Variants in TBC1D8 observed in about 807,000 individuals in gnomAD.
The protein encoded by TBC1D8 is TBC1 domain family member 8.
TBC1D8 carries 65 observed loss-of-function variants against 118.8 expected under a neutral mutation model. The ratio of observed to expected loss-of-function variants is 0.55; its 90% CI spans 0.45 to 0.67. TBC1D8 has a LOEUF of 0.67. TBC1D8 is among the 30% of genes least tolerant of loss of function. The pLI is 0.00. For synonymous variants in TBC1D8, 566 were observed against 595.8 expected, an observed-to-expected ratio of 0.95 and a Z score of 0.73; for missense variants, 1,376 against 1,471.2, an observed-to-expected ratio of 0.94 and a Z score of 1.06.
chr2:101,118,675 C>T (rs1265064053), intron 1 of TBC1D8, among the ~76,000 whole-genome samples: 1 of 138,384 alleles, frequency 7.2e-6, no homozygotes, highest in East Asian at 2.1e-4. Context: ...CCAGTCTGGG[C>T]GACAGAATGA....
At chr2:101,013,288 A>G (rs888614983) in intron 17 of TBC1D8, among the ~76,000 whole-genome samples, 1 of 152,126 alleles carries the variant, frequency 6.6e-6, no homozygotes, top group Non-Finnish European at 1.5e-5. Flanking sequence ...GATGATCAGA[A>G]GGATAGGATA....
At chr2:101,124,863 C>T (rs547366515) in intron 1 of TBC1D8, among the ~76,000 whole-genome samples, 234 of 152,262 alleles carry the variant, frequency 1.5e-3, no homozygotes, top group African/African-American at 5.5e-3. Flanking sequence ...CATCTGGAGA[C>T]GTGATAGGGC....
intron 2 of TBC1D8, among the ~76,000 whole-genome samples, chr2:101,085,517 C>T (rs1341793997): frequency 2.0e-5 from 3 of 152,194 alleles, no homozygotes; most frequent in Non-Finnish European, 2.9e-5. Context: ...TCCCATAACA[C>T]GAGTTAAAGT....
intron 1 of TBC1D8, among the ~76,000 whole-genome samples, chr2:101,094,588 C>G (rs1218900066): frequency 6.6e-6 from 1 of 152,164 alleles, no homozygotes; most frequent in African/African-American, 2.4e-5. Flanking sequence ...GGAGGGTGTG[C>G]AGCCACAATA....
rs550601251 is a variant in TBC1D8, at chr2:101,075,195, G to C, written c.283+15014C>G. ...GCAGATCACCTGAGGTCAGGAGTTT[G>C]AGACCAGCCTGGCCAACAGGGTGAA... is the stretch of plus-strand genomic sequence containing the variant. On this transcript the variant is annotated intron_variant, in intron 2 of 19. Transcript: ENST00000409318. Among the ~76,000 whole-genome samples, 55 of 152,216 alleles carry C rather than the reference G, an allele frequency of 3.6e-4. No homozygotes were observed. In the South Asian group the frequency reaches 0.011, roughly 30 times the overall value.
chr2:101,028,330 A>G lies in TBC1D8; in HGVS notation c.2325T>C (p.Ile775=), dbSNP rs774924668. The G allele has an allele frequency of 3.7e-6, 6 of 1,612,934 alleles. No homozygotes were observed. The African/African-American group carries it at 4.0e-5, about 11-fold the overall frequency. The change falls in exon 13 of 20, where the codon ATT becomes ATC. Residue 775 remains isoleucine, a synonymous_variant. Transcript: ENST00000409318. ...CATAGGAATCCCGGATCAGGTCCGA[A>G]ATATCAGTCACAGGGTAGGGCTCCT... ...DDQEPYPVTD[I]SDLIRDSYEK... is the part of the protein sequence containing the mutation.
chr2:101,136,310 C>T (rs1273854334), intron 1 of TBC1D8, among the ~76,000 whole-genome samples: 2 of 152,116 alleles, frequency 1.3e-5, no homozygotes. Context: ...TTAAAACGAA[C>T]CTGGCACCTA....
At chr2:101,082,439 C>G (rs1474262477) in intron 2 of TBC1D8, among the ~76,000 whole-genome samples, 1 of 152,210 alleles carries the variant, frequency 6.6e-6, no homozygotes, top group East Asian at 1.9e-4. Flanking sequence ...GCCCTCCCAG[C>G]ATTCCTGCTC....
chr2:101,016,114 A>G (rs1350934096), intron 17 of TBC1D8, among the ~76,000 whole-genome samples: 1 of 152,254 alleles, frequency 6.6e-6, no homozygotes, highest in Non-Finnish European at 1.5e-5. Flanking sequence ...AGCAAAAGAA[A>G]CTACCATCAG....
At chr2:101,012,490 A>G (rs1292887172) in intron 17 of TBC1D8, among the ~76,000 whole-genome samples, 1 of 152,224 alleles carries the variant, frequency 6.6e-6, no homozygotes, top group Non-Finnish European at 1.5e-5. Flanking sequence ...AGGCAAATCT[A>G]CAGAAACAGA....
chr2:101,113,825 G>A (rs1021603725), intron 1 of TBC1D8, among the ~76,000 whole-genome samples: 2 of 152,212 alleles, frequency 1.3e-5, no homozygotes, highest in African/African-American at 4.8e-5. Context: ...TTGCTCTGCG[G>A]CGGATTCCGG....
chr2:101,136,920 G>C (rs1678875903), intron 1 of TBC1D8, among the ~76,000 whole-genome samples: 1 of 152,144 alleles, frequency 6.6e-6, no homozygotes, highest in Non-Finnish European at 1.5e-5. Context: ...ATCTCCATCT[G>C]AGGCTGCGCA....
At chr2:101,070,438 A>T (rs1342030554) in intron 2 of TBC1D8, among the ~76,000 whole-genome samples, 1 of 147,050 alleles carries the variant, frequency 6.8e-6, no homozygotes, top group East Asian at 2.0e-4. Flanking sequence ...TTTGAGATAG[A>T]GTCTCACTCT....
chr2:101,019,721 A>G (rs1475698839), intron 17 of TBC1D8: 3 of 152,254 alleles, frequency 2.0e-5, no homozygotes, highest in Non-Finnish European at 4.4e-5. Flanking sequence ...CAATGTAATT[A>G]AAATGTCTTT....
At chr2:101,126,834 GAAGT>G (rs1230727391) in intron 1 of TBC1D8, among the ~76,000 whole-genome samples, 2 of 152,200 alleles carry the variant, frequency 1.3e-5, no homozygotes, top group African/African-American at 2.4e-5. Flanking sequence ...GCCAAGTCTT[GAAGT>G]GAGTGGAGCA....
intron 2 of TBC1D8, among the ~76,000 whole-genome samples, chr2:101,073,996 C>A (rs540676354): frequency 1.3e-5 from 2 of 152,374 alleles, no homozygotes; most frequent in African/African-American, 4.8e-5. Context: ...CTTTCAAGAA[C>A]TTTACCTTTG....
At chr2:101,150,686 C>A (rs2104294918) in intron 1 of TBC1D8, among the ~76,000 whole-genome samples, 1 of 152,340 alleles carries the variant, frequency 6.6e-6, no homozygotes, top group East Asian at 1.9e-4. Context: ...CCGCGCGCCC[C>A]CAGCCACGAC....
intron 7 of TBC1D8, 140 bp from the exon 8 acceptor site, chr2:101,037,848 G>T: frequency 9.7e-7 from 1 of 1,028,606 alleles, no homozygotes; most frequent in Non-Finnish European, 1.4e-6. Context: ...ACAGACTGAC[G>T]CCAGACCAGA....
At chr2:101,095,177 A>C (rs1676313818) in intron 1 of TBC1D8, among the ~76,000 whole-genome samples, 1 of 152,140 alleles carries the variant, frequency 6.6e-6, no homozygotes, top group Non-Finnish European at 1.5e-5. Context: ...GGCAAAGGGA[A>C]AAGTAATCAT....
Sources: allele counts gnomAD v4.1 joint callset (sites outside exome capture counted in the v4.1 genomes callset), GRCh38; gene constraint gnomAD v4.1.1; transcripts MANE v1.5; gene names NCBI Gene and HGNC (gene_info 2026-07-23, HGNC 2026-07-21).